The following PLCB2 variants were observed in gnomAD, a reference collection of about 807,000 sequenced individuals.
PLCB2 encodes the protein 1-phosphatidylinositol 4,5-bisphosphate phosphodiesterase beta-2.
In PLCB2, 115 loss-of-function variants were observed where a neutral mutation model predicts 141.7. The observed-to-expected ratio is 0.81, with a 90% CI of 0.70 to 0.95. The LOEUF is 0.95. Among genes scored for constraint, PLCB2 ranks in the 40% least tolerant of loss-of-function variants. The pLI is 0.00. For synonymous variants in PLCB2, 603 were observed against 595.6 expected (o/e 1.01, Z -0.18); for missense variants, 1,403 against 1,541.1 (o/e 0.91, Z 1.50).
chr15:40,291,529 C>T (rs994520478), intron 25 of PLCB2, 42 bp from the exon 26 acceptor site: 1 of 1,604,568 alleles, frequency 6.2e-7, no homozygotes, highest in Non-Finnish European at 8.5e-7. Flanking sequence ...CCAGGCCGTC[C>T]TGCCCGTCCA....
At chr15:40,287,165 A>G (rs2039624562), downstream of PLCB2, among the ~76,000 whole-genome samples, 1 of 152,046 alleles carries the variant, frequency 6.6e-6, no homozygotes, top group Non-Finnish European at 1.5e-5. Flanking sequence ...CCAGTCTGTA[A>G]TGATGTAGGG....
chr15:40,299,680 T>C (rs1015064201), intron 7 of PLCB2, among the ~76,000 whole-genome samples: 13 of 152,106 alleles, frequency 8.5e-5, no homozygotes, highest in Admixed American at 3.3e-4. Context: ...ACAATAATAT[T>C]TGGAGACACC....
chr15:40,286,686 C>G (rs1422768817), downstream of PLCB2, among the ~76,000 whole-genome samples: 1 of 152,224 alleles, frequency 6.6e-6, no homozygotes, highest in Non-Finnish European at 1.5e-5. Context: ...AAGGCGTCAA[C>G]TCTTCTTCTA....
rs1198332888 is a variant in PLCB2 at position 40,292,510 on chromosome 15, C to A, written c.2327-67G>T. 8 of 1,126,222 alleles carry A rather than the reference C, an allele frequency of 7.1e-6. No individual in the cohort carries two copies. The Admixed American group carries it at 1.4e-4, about 20-fold the overall frequency. 69.8% of individuals were successfully genotyped at this position (1,126,222 alleles called of 1,614,324 possible). ...CCTGCCAGCACTGTGCACACACAGC[C>A]TAGGACCCAAGGGTCTGAGTCTGGC... On this transcript the variant is annotated intron_variant, in intron 21 of 31. Coordinates refer to ENST00000260402, the MANE Select transcript of PLCB2 (RefSeq NM_004573.3).
Position 40,296,507 on chromosome 15 carries a change from G to T in PLCB2, c.1599+15C>A, listed in dbSNP as rs1256180201. ...GGAGGATGACACAGAGGGGCCTGGG[G>T]CTACCCCCACACACCTCATCCGACT... On this transcript the variant is annotated intron_variant, in intron 15 of 31. Coordinates refer to ENST00000260402, the MANE Select transcript of PLCB2 (RefSeq NM_004573.3). 4 of 1,613,830 alleles carry T rather than the reference G, an allele frequency of 2.5e-6. No individual in the cohort carries two copies. The Admixed American group carries it at 6.7e-5, about 27-fold the overall frequency.
At chr15:40,301,875 C>T in intron 7 of PLCB2, 82 bp downstream of exon 7, 1 of 1,240,904 alleles carries the variant, frequency 8.1e-7, no homozygotes, top group Non-Finnish European at 1.2e-6. Flanking sequence ...ACCTCTGCTC[C>T]CCCACCCACC....
chr15:40,305,788 A>G (rs1215423468), intron 1 of PLCB2, among the ~76,000 whole-genome samples: 1 of 152,190 alleles, frequency 6.6e-6, no homozygotes, highest in Non-Finnish European at 1.5e-5. Context: ...ACCTGTTTAA[A>G]TAGAACTTGG....
At chr15:40,295,723 T>C (rs1020280312) in intron 16 of PLCB2, among the ~76,000 whole-genome samples, 4 of 152,150 alleles carry the variant, frequency 2.6e-5, no homozygotes, top group African/African-American at 7.2e-5. Context: ...GCCATGAGTG[T>C]ACCCAGGTGG....
rs11320842 is a variant in PLCB2 at position 40,305,175 on chromosome 15, CTT to C, written c.85-1099_85-1098del. 5.7e-3 allele frequency among the ~76,000 whole-genome samples: 772 copies of C among 134,788 alleles called. 8 individuals carry two copies. The highest frequency in any genetic ancestry group is 0.02 in the African/African-American group (723 of 36,488). The allele number at this position is 134,788 out of a possible 152,430, so 88.4% of individuals were successfully genotyped here. On this transcript the variant is annotated intron_variant, in intron 1 of 31. Transcript: ENST00000260402. ...TCTACTTAGAGAGCTTTTGTGATCT[CTT>C]TTTTTTTTTTTTTTTTTTTACCTTA...
rs1390447775 is a variant in PLCB2 at position 40,288,262 on chromosome 15, A to G, written c.*453T>C. On this transcript the variant is annotated 3_prime_UTR_variant, in exon 32 of 32. Coordinates refer to ENST00000260402, the MANE Select transcript of PLCB2 (RefSeq NM_004573.3). ...CTGCCTCAAGGAGTGGACAAGGCCAACTCAGGGCAGGCCTGATGGGGCCTG... is the reference window on the plus strand; with the variant it reads ...CTGCCTCAAGGAGTGGACAAGGCCAGCTCAGGGCAGGCCTGATGGGGCCTG... The G allele has an allele frequency of 8.1e-6, 8 of 988,226 alleles. No individual in the cohort carries two copies. The highest frequency in any genetic ancestry group is 1.7e-5 in the African/African-American group (1 of 57,354). 61.2% of individuals were successfully genotyped at this position (988,226 alleles called of 1,614,324 possible). A position where few individuals can be genotyped will look rare whatever the true frequency, so the allele number is the denominator to read the frequency against.
intron 30 of PLCB2, 53 bp downstream of exon 30, chr15:40,289,944 AGAGAGAGAGAGAGAGAGAGAGAGAGTGT>A (rs1172296306): frequency 3.1e-4 from 61 of 197,060 alleles, no homozygotes; most frequent in Admixed American, 7.6e-4. Flanking sequence ...AGAGAGAGAG[AGAGAGAGAGAGAGAGAGAGAGAGAGTGT>A]GTGTGTGTGT....
In PLCB2 at chr15:40,302,032, G is replaced by C; in HGVS notation, c.507C>G (p.Asn169Lys). 1 of 1,614,212 alleles carries C rather than the reference G, an allele frequency of 6.2e-7. No individual in the cohort carries two copies. Residue 169 changes from asparagine (N) to lysine (K), a missense_variant and splice_region_variant, in exon 7 of 32, where the codon AAC becomes AAG. By Grantham distance (94) the Asn-to-Lys change is moderately conservative. This residue lies in a region of PLCB2 where 975 missense variants were observed against 1,141.1 expected (regional missense o/e 0.85). Coordinates refer to ENST00000260402, the MANE Select transcript of PLCB2 (RefSeq NM_004573.3). The part of the protein sequence containing the change: ...LNSEGKIPVK[N>K]FFQMFPADRK... ...GGTCAGCAGGAAACATCTGGAAAAA[G>C]CTGAAGGGGCAGAGAAAGGTACCAG...
chr15:40,285,397 G>C (rs1468609892), downstream of PLCB2: 6 of 415,070 alleles, frequency 1.4e-5, no homozygotes, highest in Non-Finnish European at 1.9e-5. Flanking sequence ...TGCAAAATGA[G>C]ACTGATAAAT....
At position 40,290,805 on chromosome 15, in the gene PLCB2, C is replaced by G; in HGVS notation, c.3069G>C (p.Glu1023Asp). Residue 1023 changes from glutamate to aspartate, a missense_variant, in exon 28 of 32, where the codon GAG becomes GAC. By Grantham distance (45) the Glu-to-Asp change is conservative. Coordinates refer to ENST00000260402, the MANE Select transcript of PLCB2 (RefSeq NM_004573.3). ...QISKMMELAREKQAAELKALK... is the reference protein window; with the variant it reads ...QISKMMELARDKQAAELKALK... ...GGGCCTTCAGCTCTGCCGCCTGTTT[C>G]TCTCTGGCCAGCTCCATCATTTTGG... 6.2e-7 allele frequency: 1 copy of G among 1,613,620 alleles called. No homozygotes were observed. Among genetic ancestry groups the G allele is most frequent in the Middle Eastern group, 1.7e-4 (1 of 6,028 alleles).
At chr15:40,294,236 C>T (rs1435481816) in intron 19 of PLCB2, 30 bp downstream of exon 19, 2 of 1,611,072 alleles carry the variant, frequency 1.2e-6, no homozygotes, top group East Asian at 2.2e-5. Context: ...ACCTCAGCCT[C>T]CCGGCCACTT....
At position 40,303,284 on chromosome 15, in the gene PLCB2, C is replaced by G; in HGVS notation, c.231+4G>C. On this transcript the variant is annotated splice_donor_region_variant and intron_variant, in intron 3 of 31. Coordinates refer to ENST00000260402, the MANE Select transcript of PLCB2 (RefSeq NM_004573.3). ...GAGCCTGGGCTGCTACTGGACACAC[C>G]TACCTTGGGCATCTTGGCAAACTTC... The G allele has an allele frequency of 6.2e-7, 1 of 1,609,640 alleles. No homozygotes were observed. The highest frequency in any genetic ancestry group is 8.5e-7 in the Non-Finnish European group (1 of 1,175,824).
chr15:40,293,559 C>A lies in PLCB2; in HGVS notation c.2226+1G>T. 6.2e-7 allele frequency: 1 copy of A among 1,613,264 alleles called. No homozygotes were observed. Among genetic ancestry groups the A allele is most frequent in the Non-Finnish European group, 8.5e-7 (1 of 1,179,276 alleles). ...CTGCCCTGCCATGCCCTGGCCCCCA[C>A]CTTCTCAAAGACAAAGGGCTCCTCC... On this transcript the variant is annotated splice_donor_variant, in intron 20 of 31. Transcript: ENST00000260402. LOFTEE classifies it high-confidence loss of function.
chr15:40,296,560 G>C lies in PLCB2; in HGVS notation c.1561C>G (p.Leu521Val). The part of the protein sequence containing the change: ...EEEEEEESGN[L>V]DEEEIKKMQS... ...ATCTTCTTAATCTCTTCTTCATCCA[G>C]GTTTCCTGACTCCTCCTCCTCTTCC... is the stretch of plus-strand genomic sequence containing the variant. The change falls in exon 15 of 32, where the codon CTG becomes GTG. Residue 521 changes from leucine to valine, a missense_variant. Leu to Val is a conservative substitution (Grantham distance 32). Around this residue, in one of 4 missense-constraint regions of PLCB2, gnomAD observed 975 missense variants for 1,141.1 expected, o/e 0.85. Coordinates refer to ENST00000260402, the MANE Select transcript of PLCB2 (RefSeq NM_004573.3). The C allele has an allele frequency of 6.2e-7, 1 of 1,613,568 alleles. No individual in the cohort carries two copies. Among genetic ancestry groups the C allele is most frequent in the Non-Finnish European group, 8.5e-7 (1 of 1,179,668 alleles).
intron 7 of PLCB2, chr15:40,301,301 G>A: frequency 1.9e-6 from 1 of 521,036 alleles, no homozygotes; most frequent in Non-Finnish European, 3.4e-6. Context: ...CACTGGCCAA[G>A]CAGGGACAGG....
Sources: allele counts gnomAD v4.1 joint callset (sites outside exome capture counted in the v4.1 genomes callset), GRCh38; gene constraint gnomAD v4.1.1; regional missense constraint gnomAD v4.1.1; transcripts MANE v1.5; gene names NCBI Gene and HGNC (gene_info 2026-07-23, HGNC 2026-07-21).